Variants in WNK2 observed in about 807,000 individuals in gnomAD.
WNK2 encodes the protein serine/threonine-protein kinase WNK2.
In WNK2, 67 loss-of-function variants were observed where a neutral mutation model predicts 192.1. The ratio of observed to expected loss-of-function variants is 0.35; its 90% confidence interval spans 0.29 to 0.43. The LOEUF is 0.43. Ranked by LOEUF, WNK2 falls within the 20% of genes least tolerant of loss-of-function variation. The probability of loss-of-function intolerance (pLI) is 1.00; values close to 1 mark genes in which losing one functional copy is unlikely to be tolerated. For missense variants in WNK2, 2,698 were observed against 3,089.7 expected (o/e 0.87, Z 3.01); for synonymous variants, 1,439 against 1,393.9 (o/e 1.03, Z -0.72).
intron 2 of WNK2, among the ~76,000 whole-genome samples, chr9:93,205,343 G>A (rs1030587316): frequency 2.6e-5 from 4 of 152,226 alleles, no homozygotes; most frequent in Non-Finnish European, 4.4e-5. Context: ...TGGGGAGTGG[G>A]CAGCCTATGT....
chr9:93,316,356 C>G (rs1854662437), intron 28 of WNK2: 1 of 152,166 alleles, frequency 6.6e-6, no homozygotes, highest in Non-Finnish European at 1.5e-5. Context: ...TGGATTCAGT[C>G]TGTTGATTAT....
intron 14 of WNK2, chr9:93,263,131 C>T (rs1046782358): frequency 5.3e-6 from 2 of 378,158 alleles, no homozygotes; most frequent in South Asian, 2.9e-5. Flanking sequence ...GGAAATGAAC[C>T]GTGTCCTTAT....
chr9:93,270,402 A>G (rs1250006584), intron 19 of WNK2, among the ~76,000 whole-genome samples: 2 of 152,260 alleles, frequency 1.3e-5, no homozygotes, highest in Non-Finnish European at 2.9e-5. Context: ...TAGAGAAAGC[A>G]CACACATCCA....
chr9:93,205,737 C>T (rs1833252042), intron 2 of WNK2, among the ~76,000 whole-genome samples: 1 of 152,196 alleles, frequency 6.6e-6, no homozygotes, highest in South Asian at 2.1e-4. Flanking sequence ...CTGGGGGCAG[C>T]CTTTGAGAAG....
At chr9:93,230,040 A>G (rs999979686) in intron 3 of WNK2, among the ~76,000 whole-genome samples, 172 bp downstream of exon 3, 11 of 151,806 alleles carry the variant, frequency 7.2e-5, no homozygotes, top group African/African-American at 2.7e-4. Flanking sequence ...TCCCAGGGAG[A>G]TGGTTGATCT....
intron 2 of WNK2, among the ~76,000 whole-genome samples, chr9:93,211,221 T>TCCAC (rs1834534813): frequency 1.4e-4 from 1 of 7,296 alleles, no homozygotes; most frequent in African/African-American, 5.7e-4. Flanking sequence ...CAATCACTCA[T>TCCAC]CCACTCACTC....
Position 93,262,857 on chromosome 9 carries a change from T to A in WNK2, c.3410+138T>A, listed in dbSNP as rs967182974. The A allele has an allele frequency of 6.5e-6, 6 of 929,882 alleles. No individual in the cohort carries two copies. In the African/African-American group the frequency reaches 9.8e-5, roughly 15 times the overall value. 57.6% of individuals were successfully genotyped at this position (929,882 alleles called of 1,614,324 possible). On this transcript the variant is annotated intron_variant, in intron 14 of 29. Transcript: ENST00000427277. ...GATGCCATTAGGGGTTTTTCAAACC[T>A]GACCTGGTGGAGCCTCAGGGCCCTC...
intron 28 of WNK2, 71 bp from the exon 29 acceptor site, chr9:93,317,449 G>T: frequency 6.7e-7 from 1 of 1,491,408 alleles, no homozygotes; most frequent in Admixed American, 1.8e-5. Flanking sequence ...GTGGCACCCT[G>T]GGGGCCACTA....
chr9:93,184,724 CACGG>C (rs1055496817), intron 1 of WNK2, among the ~76,000 whole-genome samples, 200 bp from the exon 2 acceptor site: 3 of 152,102 alleles, frequency 2.0e-5, no homozygotes, highest in African/African-American at 7.2e-5. Context: ...CTGAGCAGGG[CACGG>C]ACCCCTCCTC....
intron 2 of WNK2, among the ~76,000 whole-genome samples, chr9:93,202,593 A>G (rs1000408272): frequency 1.3e-5 from 2 of 151,330 alleles, no homozygotes; most frequent in African/African-American, 2.4e-5. Flanking sequence ...TGGCCTTTCC[A>G]CAAAAGGGTT....
At chr9:93,307,490 C>T (rs1852794621) in intron 27 of WNK2, 1 of 152,166 alleles carries the variant, frequency 6.6e-6, no homozygotes, top group African/African-American at 2.4e-5. Flanking sequence ...ACATGTGTTG[C>T]CTGGAAAGGG....
intron 4 of WNK2, among the ~76,000 whole-genome samples, chr9:93,233,230 C>T (rs917011993): frequency 6.7e-6 from 1 of 149,820 alleles, no homozygotes; most frequent in Non-Finnish European, 1.5e-5. Context: ...GCTAGTGCAG[C>T]AAATTTTCAG....
intron 19 of WNK2, among the ~76,000 whole-genome samples, chr9:93,282,184 G>T (rs1156264569): frequency 6.6e-6 from 1 of 152,122 alleles, no homozygotes. Context: ...GCATTTAAAG[G>T]GCTCCAGGAT....
chr9:93,235,313 C>G (rs904187369), intron 5 of WNK2, among the ~76,000 whole-genome samples: 2 of 152,228 alleles, frequency 1.3e-5, no homozygotes, highest in African/African-American at 4.8e-5. Context: ...GGAGGCGTGC[C>G]TAGGCCACCC....
intron 5 of WNK2, 59 bp from the exon 6 acceptor site, chr9:93,238,174 T>C: frequency 4.0e-6 from 6 of 1,513,694 alleles, no homozygotes; most frequent in Non-Finnish European, 5.5e-6. Context: ...CCCACTGTGG[T>C]GGAGGCCTCG....
Position 93,293,080 on chromosome 9 carries a change from C to G in WNK2, c.5615C>G (p.Ser1872Cys), listed in dbSNP as rs761320573. 1.2e-6 allele frequency: 2 copies of G among 1,608,704 alleles called. No homozygotes were observed. The highest frequency in any genetic ancestry group is 3.4e-5 in the Admixed American group (2 of 59,056). Residue 1872 changes from serine to cysteine, a missense_variant, in exon 23 of 30, where the codon TCC (serine) becomes TGC (cysteine). Physicochemically the swap from Ser to Cys is moderately radical, Grantham distance 112. Around this residue, in one of 7 missense-constraint regions of WNK2, gnomAD observed 1,098 missense variants for 1,101.0 expected, o/e 1.00. Transcript: ENST00000427277. ...AAGGTCCCCACGATCAGCGTGACCT[C>G]CTTCCATTCCCAGTCGTCCTACATC... ...GMKVPTISVTSFHSQSSYISS... is the reference protein window; with the variant it reads ...GMKVPTISVTCFHSQSSYISS...
rs374384034 is a variant in WNK2 at position 93,319,352 on chromosome 9, T to TGCTGG, written c.6629-1005_6629-1001dup. 7.9e-6 allele frequency: 11 copies of TGCTGG among 1,384,628 alleles called. No homozygotes were observed. The African/African-American group carries it at 1.2e-4, about 15-fold the overall frequency. The allele number at this position is 1,384,628 out of a possible 1,614,324, so 85.8% of individuals were successfully genotyped here. On this transcript the variant is annotated intron_variant, in intron 29 of 29. Transcript: ENST00000427277. ...GAGGAGGGTGCTGAGGGGCTGCGGG[T>TGCTGG]GCTGGGCTGGGCTGTCCCCGGCAGG...
intron 21 of WNK2, among the ~76,000 whole-genome samples, chr9:93,290,812 G>A (rs371751744): frequency 3.1e-4 from 47 of 152,326 alleles, no homozygotes; most frequent in Admixed American, 2.2e-3. Context: ...CTGCCACTGC[G>A]TCTCTGTGGA....
At chr9:93,194,507 C>T (rs1341463260) in intron 2 of WNK2, among the ~76,000 whole-genome samples, 1 of 152,194 alleles carries the variant, frequency 6.6e-6, no homozygotes, top group African/African-American at 2.4e-5. Flanking sequence ...AAACAATGAG[C>T]TCCCACTGCA....
Sources: allele counts gnomAD v4.1 joint callset (sites outside exome capture counted in the v4.1 genomes callset), GRCh38; gene constraint gnomAD v4.1.1; regional missense constraint gnomAD v4.1.1; transcripts MANE v1.5; gene names NCBI Gene and HGNC (gene_info 2026-07-23, HGNC 2026-07-21).